Variants in ARHGAP15 observed in about 807,000 individuals in gnomAD.
ARHGAP15 encodes the protein rho GTPase-activating protein 15.
ARHGAP15 carries 51 observed loss-of-function variants against 63.7 expected under a neutral mutation model. That is an observed-to-expected ratio of 0.80 (90% CI 0.64 to 1.01). The LOEUF (loss-of-function observed/expected upper bound fraction) is 1.01, where lower values mean the gene tolerates loss of function less well. Ranked by LOEUF, ARHGAP15 falls within the 50% of genes least tolerant of loss-of-function variation. The pLI is 0.00. For synonymous variants in ARHGAP15, 191 were observed against 193.8 expected (o/e 0.99, Z 0.12); for missense variants, 560 against 564.6 (o/e 0.99, Z 0.08).
At chr2:143,244,203 T>G (rs1693963531) in intron 5 of ARHGAP15, among the ~76,000 whole-genome samples, 1 of 152,176 alleles carries the variant, frequency 6.6e-6, no homozygotes, top group African/African-American at 2.4e-5. Flanking sequence ...AACACTTATT[T>G]GGGGCCACTT....
In ARHGAP15 at chr2:143,353,995, T is replaced by C. The variant is rs1574322505; in HGVS notation, c.475-81606T>C. Reference sequence around the variant, plus strand: ...GAGCAATTTTACCTGTTCAGGTATTTTTTTTTTTTCTTCAAACAAGAACCT... The same window carrying C: ...GAGCAATTTTACCTGTTCAGGTATTCTTTTTTTTTCTTCAAACAAGAACCT... On this transcript the variant is annotated intron_variant, in intron 6 of 13. Coordinates refer to ENST00000295095, the MANE Select transcript of ARHGAP15 (RefSeq NM_018460.4). Among the ~76,000 whole-genome samples the C allele has an allele frequency of 3.5e-5, 5 of 143,512 alleles. No individual in the cohort carries two copies. The South Asian group carries it at 1.2e-3, about 33-fold the overall frequency. 94.1% of individuals were successfully genotyped at this position (143,512 alleles called of 152,430 possible). A position where few individuals can be genotyped will look rare whatever the true frequency, so the allele number is the denominator to read the frequency against.
intron 11 of ARHGAP15, among the ~76,000 whole-genome samples, chr2:143,570,208 G>T (rs1161624949): frequency 1.3e-5 from 2 of 152,046 alleles, no homozygotes; most frequent in African/African-American, 4.8e-5. Context: ...TTAAAGGAAA[G>T]AATATTTTAT....
At chr2:143,519,513 T>A in intron 10 of ARHGAP15, 149 bp downstream of exon 10, 1 of 507,934 alleles carries the variant, frequency 2.0e-6, no homozygotes, top group Non-Finnish European at 3.6e-6. Flanking sequence ...ATCTTTCTTA[T>A]TAACTTCAGT....
At chr2:143,612,323 A>T (rs892346682) in intron 11 of ARHGAP15, among the ~76,000 whole-genome samples, 1 of 152,176 alleles carries the variant, frequency 6.6e-6, no homozygotes, top group Admixed American at 6.5e-5. Context: ...GTTAAATCAT[A>T]GACTAATTAG....
chr2:143,327,666 C>G (rs1158825649), intron 6 of ARHGAP15, among the ~76,000 whole-genome samples: 1 of 152,094 alleles, frequency 6.6e-6, no homozygotes, highest in Non-Finnish European at 1.5e-5. Flanking sequence ...AGAAGAAAAC[C>G]TAGGCAATAC....
intron 1 of ARHGAP15, among the ~76,000 whole-genome samples, chr2:143,153,873 TTCCTCC>T (rs372991318): frequency 0.032 from 1,490 of 46,656 alleles, 13 homozygotes; most frequent in Non-Finnish European, 0.039. Flanking sequence ...CCTCCTCCTC[TTCCTCC>T]TCCTCCTCCT....
chr2:143,165,990 GA>G (rs1175444161), intron 2 of ARHGAP15, among the ~76,000 whole-genome samples: 20,203 of 126,516 alleles, frequency 0.16, 1,747 homozygotes, highest in East Asian at 0.23. Flanking sequence ...AAGAAAGAAA[GA>G]AAGAAAGAAA....
intron 10 of ARHGAP15, chr2:143,519,614 G>C (rs143392469): frequency 3.5e-6 from 1 of 282,396 alleles, no homozygotes. Flanking sequence ...TGATTCAAGT[G>C]CAAACTTCTT....
chr2:143,252,375 T>C (rs926028678), intron 6 of ARHGAP15, among the ~76,000 whole-genome samples: 1 of 152,214 alleles, frequency 6.6e-6, no homozygotes, highest in East Asian at 1.9e-4. Context: ...TGTTGCAATT[T>C]TCTATTTGAT....
At chr2:143,614,083 A>G (rs1698366811) in intron 11 of ARHGAP15, among the ~76,000 whole-genome samples, 1 of 152,024 alleles carries the variant, frequency 6.6e-6, no homozygotes, top group African/African-American at 2.4e-5. Flanking sequence ...TGTTACTTCT[A>G]GTTGAATTTT....
At chr2:143,429,149 T>C (rs1235277794) in intron 6 of ARHGAP15, among the ~76,000 whole-genome samples, 1 of 152,004 alleles carries the variant, frequency 6.6e-6, no homozygotes, top group Non-Finnish European at 1.5e-5. Context: ...TAGTATTCTT[T>C]CATGAATATT....
chr2:143,634,715 A>T, intron 12 of ARHGAP15, among the ~76,000 whole-genome samples: 1 of 152,122 alleles, frequency 6.6e-6, no homozygotes, highest in East Asian at 1.9e-4. Flanking sequence ...AGCACCAAAC[A>T]TGTTTCATAT....
At chr2:143,316,506 A>G (rs1683717003) in intron 6 of ARHGAP15, among the ~76,000 whole-genome samples, 1 of 148,366 alleles carries the variant, frequency 6.7e-6, no homozygotes, top group Non-Finnish European at 1.5e-5. Flanking sequence ...GCTATTTGTA[A>G]TATATACATA....
At chr2:143,140,116 C>T (rs1379482239) in intron 1 of ARHGAP15, among the ~76,000 whole-genome samples, 1 of 152,044 alleles carries the variant, frequency 6.6e-6, no homozygotes, top group East Asian at 1.9e-4. Flanking sequence ...ATGTAAAAAT[C>T]ATGCTATGAT....
chr2:143,194,546 TA>T (rs560251175), intron 2 of ARHGAP15, among the ~76,000 whole-genome samples: 3 of 152,156 alleles, frequency 2.0e-5, no homozygotes, highest in African/African-American at 7.2e-5. Context: ...AATTCATGGC[TA>T]AAAAATACGT....
intron 8 of ARHGAP15, among the ~76,000 whole-genome samples, chr2:143,465,935 T>C (rs1172086532): frequency 3.3e-5 from 5 of 152,166 alleles, no homozygotes; most frequent in Non-Finnish European, 7.4e-5. Context: ...ACTCTATGTC[T>C]CTGTTTAGGG....
chr2:143,171,061 A>G (rs772700803), intron 2 of ARHGAP15, among the ~76,000 whole-genome samples: 4 of 152,178 alleles, frequency 2.6e-5, no homozygotes, highest in Non-Finnish European at 4.4e-5. Context: ...GAGGGCAAAA[A>G]CACAAGAATA....
At chr2:143,496,415 G>A (rs181314262) in intron 9 of ARHGAP15, among the ~76,000 whole-genome samples, 29 of 152,224 alleles carry the variant, frequency 1.9e-4, no homozygotes, top group African/African-American at 6.5e-4. Context: ...GAGCAAATTA[G>A]GTAAGGGGAA....
At chr2:143,766,029 G>C (rs1487233004) in intron 13 of ARHGAP15, among the ~76,000 whole-genome samples, 8 of 152,084 alleles carry the variant, frequency 5.3e-5, no homozygotes, top group African/African-American at 1.9e-4. Flanking sequence ...TTGGTGGTGG[G>C]CAAGTACCAG....
Sources: allele counts gnomAD v4.1 joint callset (sites outside exome capture counted in the v4.1 genomes callset), GRCh38; gene constraint gnomAD v4.1.1; transcripts MANE v1.5; gene names NCBI Gene and HGNC (gene_info 2026-07-23, HGNC 2026-07-21).